The following STARD13 variants were observed in gnomAD, a reference collection of about 807,000 sequenced individuals.
STARD13 encodes stAR-related lipid transfer protein 13.
In STARD13, 62 loss-of-function variants were observed where a neutral mutation model predicts 106.4. The ratio of observed to expected loss-of-function variants is 0.58; its 90% CI spans 0.48 to 0.72. The LOEUF is 0.72. STARD13 is among the 30% of genes least tolerant of loss of function. The pLI is 0.00. For synonymous variants in STARD13, 565 were observed against 553.0 expected (o/e 1.02, Z -0.31); for missense variants, 1,387 against 1,424.0 (o/e 0.97, Z 0.42).
At chr13:33,612,490 G>A in the STARD13 span, among the ~76,000 whole-genome samples, 1 of 152,052 alleles carries the variant, frequency 6.6e-6, no homozygotes, top group Non-Finnish European at 1.5e-5. Flanking sequence ...GAAAGCCAGG[G>A]GCACAGCCTC....
At chr13:33,341,351 G>A (rs993600087) in intron 1 of STARD13, among the ~76,000 whole-genome samples, 9 of 152,186 alleles carry the variant, frequency 5.9e-5, no homozygotes, top group African/African-American at 1.4e-4. Context: ...AGAAATTTCC[G>A]TGAACGGCAT....
At chr13:33,437,867 A>AT in the STARD13 span, among the ~76,000 whole-genome samples, 3 of 152,000 alleles carry the variant, frequency 2.0e-5, no homozygotes, top group East Asian at 1.9e-4. Context: ...TGCTTATTTG[A>AT]TTTTTTCCCC....
chr13:33,646,363 G>A, the STARD13 span, among the ~76,000 whole-genome samples: 1 of 152,172 alleles, frequency 6.6e-6, no homozygotes, highest in Non-Finnish European at 1.5e-5. Flanking sequence ...GTCCCTGTAA[G>A]GGAAAAACAT....
the STARD13 span, among the ~76,000 whole-genome samples, chr13:33,666,593 C>A: frequency 4.8e-3 from 734 of 151,796 alleles, 3 homozygotes; most frequent in African/African-American, 0.015. Flanking sequence ...CTGCACCCAG[C>A]CTATTTATTT....
chr13:33,129,914 T>C lies in STARD13; in HGVS notation c.763A>G (p.Arg255Gly). 6.2e-7 allele frequency: 1 copy of C among 1,613,406 alleles called. No homozygotes were observed. Among genetic ancestry groups the C allele is most frequent in the South Asian group, 1.1e-5 (1 of 91,074 alleles). ...ATGCGTTTCAAAAATGATTTGGCCC[T>C]AGCCCTCGTGGGCTTCTCATTCTTG... is the stretch of plus-strand genomic sequence containing the variant. Reference protein sequence around the residue: ...HPKNEKPTRARAKSFLKRMET... With the variant: ...HPKNEKPTRAGAKSFLKRMET... The change falls in exon 5 of 14, where the codon AGG becomes GGG. Residue 255 changes from arginine to glycine, a missense_variant. Transcript: ENST00000336934.
the STARD13 span, among the ~76,000 whole-genome samples, chr13:33,364,117 C>A: frequency 9.1e-4 from 138 of 151,978 alleles, no homozygotes; most frequent in African/African-American, 3.3e-3. Flanking sequence ...TAAGGTTCCC[C>A]CCCACCCCCA....
intron 4 of STARD13, among the ~76,000 whole-genome samples, chr13:33,141,333 C>T (rs1346620928): frequency 6.6e-6 from 1 of 152,214 alleles, no homozygotes; most frequent in Non-Finnish European, 1.5e-5. Flanking sequence ...CAAGATTTAC[C>T]TTCCTTATAG....
the STARD13 span, among the ~76,000 whole-genome samples, chr13:33,402,373 C>G: frequency 6.6e-6 from 1 of 152,228 alleles, no homozygotes; most frequent in East Asian, 1.9e-4. Context: ...TCAGCTCTTA[C>G]AGCAGCAAGA....
chr13:33,480,500 T>C, the STARD13 span, among the ~76,000 whole-genome samples: 1 of 152,148 alleles, frequency 6.6e-6, no homozygotes, highest in Non-Finnish European at 1.5e-5. Context: ...CGTGTGCATA[T>C]GTCATGGCAT....
rs111974796 is a variant in STARD13, at chr13:33,319,521, T to A, written c.124+30769A>T. Among the ~76,000 whole-genome samples the A allele has an allele frequency of 4.9e-3, 747 of 152,348 alleles. 7 individuals carry two copies. The highest frequency in any genetic ancestry group is 0.017 in the African/African-American group (701 of 41,578). ...CTGAAGTGTGCATTTTATAAGGGTG[T>A]ATTTTATGTGAATTTTATCTAAAAA... is the stretch of plus-strand genomic sequence containing the variant. On this transcript the variant is annotated intron_variant, in intron 1 of 5. Transcript: ENST00000567873.
At chr13:33,387,247 C>G in the STARD13 span, among the ~76,000 whole-genome samples, 2 of 152,130 alleles carry the variant, frequency 1.3e-5, no homozygotes, top group Non-Finnish European at 2.9e-5. Flanking sequence ...TCATGCAATC[C>G]TCCCACTTCA....
chr13:33,476,374 A>T, the STARD13 span, among the ~76,000 whole-genome samples: 1 of 152,228 alleles, frequency 6.6e-6, no homozygotes, highest in Non-Finnish European at 1.5e-5. Flanking sequence ...TTACCTAATC[A>T]GTTTTCAGCA....
At chr13:33,456,079 ATTTGTT>A in the STARD13 span, among the ~76,000 whole-genome samples, 2 of 152,220 alleles carry the variant, frequency 1.3e-5, no homozygotes, top group African/African-American at 4.8e-5. Context: ...AGCCATGAGC[ATTTGTT>A]TATATATTGT....
chr13:33,452,418 G>C, the STARD13 span, among the ~76,000 whole-genome samples: 1 of 152,150 alleles, frequency 6.6e-6, no homozygotes, highest in Non-Finnish European at 1.5e-5. Flanking sequence ...CACTGTTGTA[G>C]TACTCAGACT....
At chr13:33,645,191 C>T in the STARD13 span, among the ~76,000 whole-genome samples, 12 of 152,212 alleles carry the variant, frequency 7.9e-5, no homozygotes, top group Admixed American at 2.6e-4. Context: ...TACAAGCCTC[C>T]GTTACAAGAT....
At chr13:33,551,246 T>G in the STARD13 span, among the ~76,000 whole-genome samples, 1 of 152,210 alleles carries the variant, frequency 6.6e-6, no homozygotes, top group South Asian at 2.1e-4. Flanking sequence ...GTGGAAAAGA[T>G]ACTTCACAGC....
chr13:33,355,106 A>C (rs1295492049), upstream of STARD13: 1 of 152,240 alleles, frequency 6.6e-6, no homozygotes, highest in East Asian at 1.9e-4. Flanking sequence ...AAAATTACAA[A>C]TAATCCTGCG....
the STARD13 span, among the ~76,000 whole-genome samples, chr13:33,405,818 G>A: frequency 1.2e-4 from 19 of 152,236 alleles, no homozygotes; most frequent in Admixed American, 6.5e-4. Context: ...TATCCCAACC[G>A]TAAACTCCAC....
chr13:33,328,460 C>T (rs2077801333), intron 1 of STARD13, among the ~76,000 whole-genome samples: 1 of 152,232 alleles, frequency 6.6e-6, no homozygotes, highest in African/African-American at 2.4e-5. Context: ...TGTGCTAAAA[C>T]ATAGCAAGGA....
Sources: gnomAD v4.1 joint callset for allele counts (sites outside exome capture counted in the v4.1 genomes callset) on GRCh38, gnomAD v4.1.1 for gene constraint, MANE v1.5 for transcripts, NCBI Gene and HGNC (gene_info 2026-07-23, HGNC 2026-07-21) for gene names.